Variants in CSMD1 observed in about 807,000 individuals in gnomAD.
CSMD1 encodes the protein CUB and sushi domain-containing protein 1.
Under a neutral mutation model 417.5 loss-of-function variants are expected in CSMD1, and 213 were observed. The ratio of observed to expected loss-of-function variants is 0.51; its 90% confidence interval spans 0.46 to 0.57. The LOEUF (loss-of-function observed/expected upper bound fraction) is 0.57. Among genes scored for constraint, CSMD1 ranks in the 20% least tolerant of loss-of-function variants. The probability of loss-of-function intolerance (pLI) is 0.00; values close to 1 mark genes in which losing one functional copy is unlikely to be tolerated. For synonymous variants in CSMD1, 2,862 were observed against 1,736.8 expected (o/e 1.65, Z -16.11); for missense variants, 6,923 against 4,529.7 (o/e 1.53, Z -15.17).
intron 7 of CSMD1, among the ~76,000 whole-genome samples, chr8:3,624,921 T>C (rs1255937513): frequency 6.6e-6 from 1 of 152,186 alleles, no homozygotes; most frequent in African/African-American, 2.4e-5. Context: ...AACTTTGTCA[T>C]GCCACACCCT....
chr8:3,170,983 C>A lies in CSMD1; in HGVS notation c.5726-8706G>T, dbSNP rs116916868. 2.0e-3 allele frequency among the ~76,000 whole-genome samples: 300 copies of A among 152,082 alleles called. 2 individuals are homozygous for A. Among genetic ancestry groups the A allele is most frequent in the Middle Eastern group, 6.8e-3 (2 of 294 alleles). On this transcript the variant is annotated intron_variant, in intron 37 of 69. Coordinates refer to ENST00000635120, the MANE Select transcript of CSMD1 (RefSeq NM_033225.6). ...GTTGAACCACTGAAGGATTTTTAGC[C>A]GGATATAATTAATGATCTGCTCAAA...
At chr8:3,560,113 G>A (rs895532742) in intron 10 of CSMD1, among the ~76,000 whole-genome samples, 1 of 152,080 alleles carries the variant, frequency 6.6e-6, no homozygotes, top group African/African-American at 2.4e-5. Context: ...GGACCCATTC[G>A]AACTTGTAGT....
At chr8:3,164,317 A>C (rs1264196057) in intron 37 of CSMD1, among the ~76,000 whole-genome samples, 1 of 152,250 alleles carries the variant, frequency 6.6e-6, no homozygotes. Context: ...ATTTTTCCTT[A>C]AATGGCTGCA....
chr8:4,073,094 C>T (rs1014825415), intron 3 of CSMD1, among the ~76,000 whole-genome samples: 1 of 152,118 alleles, frequency 6.6e-6, no homozygotes, highest in Admixed American at 6.5e-5. Flanking sequence ...TCCACTATGT[C>T]TTATTTCCTG....
At chr8:3,551,773 G>T (rs78042585) in intron 10 of CSMD1, among the ~76,000 whole-genome samples, 1 of 152,078 alleles carries the variant, frequency 6.6e-6, no homozygotes, top group African/African-American at 2.4e-5. Context: ...GCGATAATAT[G>T]ATGTTCTCTG....
At chr8:3,045,421 C>G in intron 50 of CSMD1, among the ~76,000 whole-genome samples, 1 of 152,050 alleles carries the variant, frequency 6.6e-6, no homozygotes. Context: ...GTGAAGCTAC[C>G]TTAAGCCCTG....
At chr8:4,910,899 C>G (rs1195265657) in intron 1 of CSMD1, among the ~76,000 whole-genome samples, 1 of 152,094 alleles carries the variant, frequency 6.6e-6, no homozygotes, top group Non-Finnish European at 1.5e-5. Flanking sequence ...TGAAAGGGAC[C>G]CAGTGGGAGG....
chr8:4,017,741 T>G (rs1362867382), intron 4 of CSMD1, among the ~76,000 whole-genome samples: 1 of 152,178 alleles, frequency 6.6e-6, no homozygotes, highest in Non-Finnish European at 1.5e-5. Context: ...GTGTGCATGG[T>G]ACAAATGCTG....
At chr8:4,200,650 G>A (rs970450861) in intron 3 of CSMD1, among the ~76,000 whole-genome samples, 2 of 152,114 alleles carry the variant, frequency 1.3e-5, no homozygotes, top group African/African-American at 2.4e-5. Context: ...GAGACTAAGA[G>A]TTCAAGACCA....
intron 11 of CSMD1, among the ~76,000 whole-genome samples, chr8:3,490,562 T>G (rs996281085): frequency 6.6e-6 from 1 of 152,224 alleles, no homozygotes; most frequent in Non-Finnish European, 1.5e-5. Flanking sequence ...TCCGGAGTGT[T>G]TGCATGCATT....
intron 3 of CSMD1, among the ~76,000 whole-genome samples, chr8:4,169,388 C>T (rs1288636084): frequency 6.6e-6 from 1 of 152,150 alleles, no homozygotes; most frequent in Non-Finnish European, 1.5e-5. Context: ...GGCCAAAAAA[C>T]ATGAGGCATT....
chr8:3,670,965 T>C (rs1798989860), intron 7 of CSMD1, among the ~76,000 whole-genome samples: 1 of 121,914 alleles, frequency 8.2e-6, no homozygotes, highest in Admixed American at 8.7e-5. Flanking sequence ...ATGGGATATA[T>C]GTATATGGGA....
At chr8:4,058,737 G>C (rs924112265) in intron 3 of CSMD1, among the ~76,000 whole-genome samples, 2 of 137,332 alleles carry the variant, frequency 1.5e-5, no homozygotes, top group Admixed American at 7.6e-5. Flanking sequence ...AACAAGAAGA[G>C]CTAACTATCC....
chr8:3,939,305 A>G (rs949446489), intron 5 of CSMD1, among the ~76,000 whole-genome samples: 1 of 152,182 alleles, frequency 6.6e-6, no homozygotes, highest in African/African-American at 2.4e-5. Context: ...TAAAACCGCA[A>G]TGAGATACCA....
intron 1 of CSMD1, among the ~76,000 whole-genome samples, chr8:4,859,570 A>G (rs1802006897): frequency 6.6e-6 from 1 of 152,156 alleles, no homozygotes; most frequent in Non-Finnish European, 1.5e-5. Context: ...CAAGAAAAAA[A>G]CAAACAACCC....
chr8:4,269,932 C>G (rs901215930), intron 3 of CSMD1, among the ~76,000 whole-genome samples: 2 of 152,100 alleles, frequency 1.3e-5, no homozygotes, highest in African/African-American at 4.8e-5. Context: ...GGCGTTCAAG[C>G]CAACAGTTGG....
intron 57 of CSMD1, among the ~76,000 whole-genome samples, chr8:2,971,282 C>T (rs912660206): frequency 2.6e-5 from 4 of 152,052 alleles, no homozygotes; most frequent in Non-Finnish European, 4.4e-5. Flanking sequence ...ATCTCGGTAA[C>T]GCCTCTCATA....
chr8:4,135,178 C>A (rs908704296), intron 3 of CSMD1, among the ~76,000 whole-genome samples: 2 of 152,098 alleles, frequency 1.3e-5, no homozygotes, highest in Non-Finnish European at 2.9e-5. Flanking sequence ...TTTCATTAGA[C>A]AGGCTTCCAT....
chr8:4,126,312 G>A (rs779912298), intron 3 of CSMD1, among the ~76,000 whole-genome samples: 1 of 152,144 alleles, frequency 6.6e-6, no homozygotes, highest in Admixed American at 6.5e-5. Context: ...TGATAAATTG[G>A]CTCTGTCTGG....
Sources: allele counts gnomAD v4.1 joint callset (sites outside exome capture counted in the v4.1 genomes callset), GRCh38; gene constraint gnomAD v4.1.1; transcripts MANE v1.5; gene names NCBI Gene and HGNC (gene_info 2026-07-23, HGNC 2026-07-21).